TIAM1: variants seen among roughly 807,000 people sequenced by gnomAD.
TIAM1 encodes TIAM Rac1 associated GEF 1, also known as rho guanine nucleotide exchange factor TIAM1.
A neutral mutation model predicts 163.5 loss-of-function variants in TIAM1; 65 were observed. That is an observed-to-expected ratio of 0.40 (90% CI 0.33 to 0.49). The LOEUF is 0.49. TIAM1 is among the 20% of genes least tolerant of loss of function. The pLI is 0.77. For missense variants in TIAM1, 1,789 were observed against 2,044.7 expected, an observed-to-expected ratio of 0.87 and a Z score of 2.41; for synonymous variants, 833 against 810.1, an observed-to-expected ratio of 1.03 and a Z score of -0.48.
chr21:31,383,391 T>C (rs1337155136), intron 2 of TIAM1, among the ~76,000 whole-genome samples: 1 of 152,200 alleles, frequency 6.6e-6, no homozygotes, highest in East Asian at 1.9e-4. Flanking sequence ...CAAAATGATG[T>C]TCATTGAATA....
chr21:31,254,671 G>C (rs1253446516), intron 4 of TIAM1, among the ~76,000 whole-genome samples: 1 of 152,162 alleles, frequency 6.6e-6, no homozygotes, highest in East Asian at 1.9e-4. Context: ...CTGCACTCCA[G>C]CCTGGGCAAC....
At position 31,267,371 on chromosome 21, in the gene TIAM1, T is replaced by C. The variant is rs546321420; in HGVS notation, c.-11-388A>G. Among the ~76,000 whole-genome samples, 25 of 152,300 alleles carry C rather than the reference T, an allele frequency of 1.6e-4. 1 individual carries two copies. In the South Asian group the frequency reaches 2.7e-3, roughly 16 times the overall value. ...TTGAAGTTCTGCTCCTATCTATACA[T>C]TGAAAACTCTGAAAGTACAAACCAA... On this transcript the variant is annotated intron_variant, in intron 3 of 27. Coordinates refer to ENST00000541036, the MANE Select transcript of TIAM1 (RefSeq NM_001353694.2).
rs1318514454 is a variant in TIAM1 at position 31,203,010 on chromosome 21, T to G, written c.2391A>C (p.Thr797=). 2 of 1,609,776 alleles carry G rather than the reference T, an allele frequency of 1.2e-6. No homozygotes were observed. The highest frequency in any genetic ancestry group is 2.8e-5 in the African/African-American group (2 of 72,582). ...ARDTLELICK[T]HQLDHSAHYL... is the part of the protein sequence containing the mutation. Reference sequence around the variant, plus strand: ...AATGAGCAGAATGATCCAGTTGATGTGTCTGGGACAAAAAAGAAAGAAAGA... The same window carrying G: ...AATGAGCAGAATGATCCAGTTGATGGGTCTGGGACAAAAAAGAAAGAAAGA... The change falls in exon 12 of 28, where the codon ACA becomes ACC. Residue 797 remains threonine, a splice_region_variant and synonymous_variant. Transcript: ENST00000541036.
chr21:31,368,394 C>T (rs2076534786), intron 2 of TIAM1, among the ~76,000 whole-genome samples: 1 of 152,156 alleles, frequency 6.6e-6, no homozygotes. Flanking sequence ...GTTTGTAGCT[C>T]AACAAATTAT....
At chr21:31,197,731 A>G (rs2085951237) in intron 12 of TIAM1, among the ~76,000 whole-genome samples, 1 of 152,146 alleles carries the variant, frequency 6.6e-6, no homozygotes, top group Non-Finnish European at 1.5e-5. Flanking sequence ...AGTTCTGACC[A>G]TGTGTCACGC....
chr21:31,147,653 A>G (rs1486800443), intron 19 of TIAM1, among the ~76,000 whole-genome samples: 1 of 146,430 alleles, frequency 6.8e-6, no homozygotes, highest in Non-Finnish European at 1.5e-5. Context: ...GATATGTTAT[A>G]TGTAAATATA....
intron 2 of TIAM1, among the ~76,000 whole-genome samples, chr21:31,445,392 TC>T (rs11286641): frequency 0.025 from 3,797 of 152,334 alleles, 91 homozygotes; most frequent in African/African-American, 0.063. Context: ...GTATGACATT[TC>T]CTCTGGTTTT....
At chr21:31,296,175 T>A (rs1333804411) in intron 2 of TIAM1, among the ~76,000 whole-genome samples, 1 of 152,192 alleles carries the variant, frequency 6.6e-6, no homozygotes, top group Non-Finnish European at 1.5e-5. Context: ...ATTTAATGTA[T>A]AATCAGAATA....
chr21:31,345,827 G>A (rs1245254453), upstream of TIAM1, among the ~76,000 whole-genome samples: 1 of 152,148 alleles, frequency 6.6e-6, no homozygotes, highest in African/African-American at 2.4e-5. Context: ...GTGTGTGCCT[G>A]TAATTCCAGC....
chr21:31,208,244 G>A (rs77917147), intron 11 of TIAM1, among the ~76,000 whole-genome samples: 4,715 of 152,224 alleles, frequency 0.031, 260 homozygotes, highest in African/African-American at 0.11. Flanking sequence ...AATGGTAATC[G>A]GAAAACTTTG....
intron 2 of TIAM1, among the ~76,000 whole-genome samples, chr21:31,424,930 G>GTAA (rs2043730183): frequency 6.6e-6 from 1 of 151,948 alleles, no homozygotes; most frequent in Non-Finnish European, 1.5e-5. Flanking sequence ...GTGCAGGCCT[G>GTAA]TAATCCCAGC....
intron 1 of TIAM1, among the ~76,000 whole-genome samples, chr21:31,479,084 A>G (rs2046025343): frequency 6.6e-6 from 1 of 152,210 alleles, no homozygotes. Context: ...ACAAGGAACA[A>G]AAACAGCTTC....
chr21:31,325,193 A>C (rs1157632701), intron 2 of TIAM1, among the ~76,000 whole-genome samples: 2 of 152,040 alleles, frequency 1.3e-5, no homozygotes, highest in Admixed American at 1.3e-4. Context: ...CAGAGGTAGG[A>C]AGACCACTTG....
intron 1 of TIAM1, among the ~76,000 whole-genome samples, chr21:31,558,492 A>G (rs576412734): frequency 6.6e-6 from 1 of 152,080 alleles, no homozygotes; most frequent in East Asian, 2.0e-4. Flanking sequence ...AGACGCAAAC[A>G]TAGACACAAG....
intron 1 of TIAM1, among the ~76,000 whole-genome samples, chr21:31,516,471 G>T (rs1318975258): frequency 6.6e-6 from 1 of 152,060 alleles, no homozygotes; most frequent in East Asian, 1.9e-4. Flanking sequence ...AATGACACTG[G>T]TTTATGTCTC....
intron 16 of TIAM1, 50 bp from the exon 17 acceptor site, chr21:31,154,476 G>C: frequency 1.3e-6 from 2 of 1,577,412 alleles, no homozygotes; most frequent in Non-Finnish European, 1.7e-6. Flanking sequence ...TCCCTCATTA[G>C]ACGCACCTGA....
chr21:31,260,398 T>C (rs2072394025), intron 4 of TIAM1, among the ~76,000 whole-genome samples: 1 of 151,468 alleles, frequency 6.6e-6, no homozygotes, highest in African/African-American at 2.4e-5. Flanking sequence ...CCACCACGCC[T>C]GGCTAATTTT....
At chr21:31,519,924 G>A (rs1047351982) in intron 1 of TIAM1, among the ~76,000 whole-genome samples, 3 of 144,954 alleles carry the variant, frequency 2.1e-5, no homozygotes, top group African/African-American at 7.5e-5. Flanking sequence ...TTGTTGAATG[G>A]GTACGGAGTT....
chr21:31,520,994 G>A (rs2147494563), intron 1 of TIAM1, among the ~76,000 whole-genome samples: 1 of 152,350 alleles, frequency 6.6e-6, no homozygotes. Context: ...GACACAGCAT[G>A]TGTGAAAGAA....
Sources: allele counts gnomAD v4.1 joint callset (sites outside exome capture counted in the v4.1 genomes callset), GRCh38; gene constraint gnomAD v4.1.1; transcripts MANE v1.5; gene names NCBI Gene and HGNC (gene_info 2026-07-23, HGNC 2026-07-21).